Variants in MYO18A observed in about 807,000 individuals in gnomAD.
MYO18A encodes unconventional myosin-XVIIIa.
In MYO18A, 78 loss-of-function variants were observed where a neutral mutation model predicts 235.8. The ratio of observed to expected loss-of-function variants is 0.33; its 90% CI spans 0.28 to 0.40. The LOEUF is 0.40. Ranked by LOEUF, MYO18A falls within the 10% of genes least tolerant of loss-of-function variation. The probability of loss-of-function intolerance (pLI) is 1.00; values close to 1 mark genes in which losing one functional copy is unlikely to be tolerated. For synonymous variants in MYO18A, 977 were observed against 1,077.8 expected, an observed-to-expected ratio of 0.91 and a Z score of 1.83; for missense variants, 2,215 against 2,699.3, an observed-to-expected ratio of 0.82 and a Z score of 3.98.
chr17:29,094,670 T>A lies in MYO18A; in HGVS notation c.4690A>T (p.Thr1564Ser), dbSNP rs760611128. The A allele has an allele frequency of 6.7e-5, 108 of 1,613,906 alleles. No homozygotes were observed. Among genetic ancestry groups the A allele is most frequent in the Non-Finnish European group, 8.9e-5 (105 of 1,179,888 alleles). ...QEEELDEQAGTIQMLEQAKLR... is the reference protein window; with the variant it reads ...QEEELDEQAGSIQMLEQAKLR... ...TGTACCTGTTCCAGCATCTGGATGG[T>A]CCCTGCCTGCTCATCCAGCTCTTCT... is the stretch of plus-strand genomic sequence containing the variant. Residue 1564 changes from threonine to serine, a missense_variant, in exon 30 of 42, where the codon ACC (threonine) becomes TCC (serine). By Grantham distance (58) the Thr-to-Ser change is moderately conservative (BLOSUM62 1). Transcript: ENST00000527372.
In MYO18A at chr17:29,118,523, C is replaced by G. The variant is rs2067127078; in HGVS notation, c.1830-83G>C. The stretch of plus-strand genomic sequence containing the variant: ...CGCCCAGGGTGGAGACAGACAGACT[C>G]AGCTTCCAGACTCCAAGTTTTGTCT... On this transcript the variant is annotated intron_variant, in intron 8 of 41. Transcript: ENST00000527372. The surrounding 1 kb of genome is among the most constrained non-coding windows in gnomAD (Gnocchi z 4.2). 1 of 1,284,930 alleles carries G rather than the reference C, an allele frequency of 7.8e-7. No individual in the cohort carries two copies. Among genetic ancestry groups the G allele is most frequent in the Non-Finnish European group, 1.1e-6 (1 of 912,304 alleles). The allele number at this position is 1,284,930 out of a possible 1,614,324, so 79.6% of individuals were successfully genotyped here.
intron 40 of MYO18A, among the ~76,000 whole-genome samples, chr17:29,084,255 A>T (rs931139849): frequency 9.2e-5 from 14 of 152,150 alleles, no homozygotes; most frequent in African/African-American, 3.4e-4. Flanking sequence ...ATATGATCTT[A>T]AATGCGCATT....
At chr17:29,157,629 G>T (rs993303866) in intron 2 of MYO18A, among the ~76,000 whole-genome samples, 1 of 152,118 alleles carries the variant, frequency 6.6e-6, no homozygotes, top group African/African-American at 2.4e-5. Context: ...AAAACAGATT[G>T]TTATGATCCT....
chr17:29,164,582 C>G (rs2068240960), intron 2 of MYO18A, among the ~76,000 whole-genome samples: 1 of 152,178 alleles, frequency 6.6e-6, no homozygotes, highest in African/African-American at 2.4e-5. Flanking sequence ...CCATTTCTGA[C>G]TTTGACACAT....
intron 28 of MYO18A, among the ~76,000 whole-genome samples, chr17:29,096,259 G>A (rs1261293714): frequency 6.6e-6 from 1 of 152,134 alleles, no homozygotes; most frequent in African/African-American, 2.4e-5. Flanking sequence ...TAATGAAGAC[G>A]TCCCATCCTC....
At chr17:29,089,058 A>AAG (rs2066328938) in intron 37 of MYO18A, among the ~76,000 whole-genome samples, 1 of 151,676 alleles carries the variant, frequency 6.6e-6, no homozygotes, top group East Asian at 1.9e-4. Context: ...AAAAAAAAAA[A>AAG]AAGGGGAAGA....
At position 29,120,845 on chromosome 17, in the gene MYO18A, T is replaced by G. The variant is rs1248129868; in HGVS notation, c.1586-87A>C. 1 of 1,570,124 alleles carries G rather than the reference T, an allele frequency of 6.4e-7. No homozygotes were observed. The highest frequency in any genetic ancestry group is 1.2e-5 in the South Asian group (1 of 84,080). ...GAGCTACCCCAGAGGTATGAAGGCT[T>G]GGGGCCATTCAGACCAGAACTGCCC... On this transcript the variant is annotated intron_variant, in intron 6 of 41. Coordinates refer to ENST00000527372, the MANE Select transcript of MYO18A (RefSeq NM_078471.4). This position sits in a 1 kb window ranked among gnomAD's most constrained non-coding sequence, Gnocchi z 4.2.
intron 21 of MYO18A, among the ~76,000 whole-genome samples, chr17:29,100,161 C>T (rs1413312284): frequency 1.3e-5 from 2 of 152,238 alleles, no homozygotes; most frequent in Non-Finnish European, 2.9e-5. Context: ...GCCCCCTGTG[C>T]CCACAGCCCA....
intron 27 of MYO18A, 65 bp from the exon 28 acceptor site, chr17:29,096,980 A>G: frequency 6.8e-7 from 1 of 1,473,596 alleles, no homozygotes; most frequent in East Asian, 2.5e-5. Flanking sequence ...AGGTGAGGAG[A>G]GGGAAGTGGG....
intron 2 of MYO18A, among the ~76,000 whole-genome samples, chr17:29,149,349 C>T (rs1031325906): frequency 1.3e-5 from 2 of 152,230 alleles, no homozygotes; most frequent in African/African-American, 2.4e-5. Context: ...GGTCAAAAGA[C>T]GCCAGGAAAG....
At chr17:29,091,361 C>G (rs2066393944) in intron 34 of MYO18A, 4 of 335,662 alleles carry the variant, frequency 1.2e-5, no homozygotes, top group Non-Finnish European at 2.3e-5. Context: ...ACTGCCCACT[C>G]CCTGGGCATC....
In MYO18A at chr17:29,166,239, G is replaced by A. The variant is rs1179231138; in HGVS notation, c.702C>T (p.Ser234=). The stretch of plus-strand genomic sequence containing the variant: ...GATCCAGCATGGTTGTGCGCCGCAG[G>A]GAGAAGCCAAAGTCTCCAGTGGGCC... ...QRRPTGDFGF[S]LRRTTMLDRG... is the part of the protein sequence containing the mutation. The change falls in exon 2 of 42, where the codon TCC becomes TCT. Residue 234 remains serine (S), a synonymous_variant. Coordinates refer to ENST00000527372, the MANE Select transcript of MYO18A (RefSeq NM_078471.4). 6.2e-7 allele frequency: 1 copy of A among 1,612,980 alleles called. No individual in the cohort carries two copies. The highest frequency in any genetic ancestry group is 1.1e-5 in the South Asian group (1 of 91,086).
chr17:29,127,284 G>A (rs1598348813), intron 2 of MYO18A, among the ~76,000 whole-genome samples: 2 of 152,284 alleles, frequency 1.3e-5, no homozygotes, highest in Middle Eastern at 3.4e-3. Context: ...AAATATTAAT[G>A]TTTGTTACAC....
chr17:29,148,239 TA>T (rs930363723), intron 2 of MYO18A, among the ~76,000 whole-genome samples: 1 of 152,012 alleles, frequency 6.6e-6, no homozygotes, highest in Admixed American at 6.6e-5. Flanking sequence ...TCAAAACTCC[TA>T]AAAAAAAGTC....
At chr17:29,082,512 C>T in intron 40 of MYO18A, 74 bp from the exon 41 acceptor site, 1 of 1,518,316 alleles carries the variant, frequency 6.6e-7, no homozygotes, top group Non-Finnish European at 8.9e-7. Flanking sequence ...GATGGGGGTG[C>T]AGGGGGTGTC....
Position 29,121,447 on chromosome 17 carries a change from G to T in MYO18A, c.1371+100C>A. The T allele has an allele frequency of 7.7e-7, 1 of 1,299,098 alleles. No homozygotes were observed. Among genetic ancestry groups the T allele is most frequent in the Non-Finnish European group, 1.0e-6 (1 of 954,364 alleles). The allele number at this position is 1,299,098 out of a possible 1,614,324, so 80.5% of individuals were successfully genotyped here. On this transcript the variant is annotated intron_variant, in intron 5 of 41. Coordinates refer to ENST00000527372, the MANE Select transcript of MYO18A (RefSeq NM_078471.4). The surrounding 1 kb of genome is among the most constrained non-coding windows in gnomAD (Gnocchi z 4.2). Reference sequence around the variant, plus strand: ...CTCCTCTTCCCAAGGTCAACTGTGAGAGTGGACAGGAGCCCAGTGGGGTGC... The same window carrying T: ...CTCCTCTTCCCAAGGTCAACTGTGATAGTGGACAGGAGCCCAGTGGGGTGC...
In MYO18A at chr17:29,126,709, C is replaced by T. The variant is rs977259514; in HGVS notation, c.1000-4456G>A. Among the ~76,000 whole-genome samples, 2 of 152,144 alleles carry T rather than the reference C, an allele frequency of 1.3e-5. No homozygotes were observed. The highest frequency in any genetic ancestry group is 1.5e-5 in the Non-Finnish European group (1 of 67,994). On this transcript the variant is annotated intron_variant, in intron 2 of 41. Transcript: ENST00000527372. The surrounding 1 kb of genome is among the most constrained non-coding windows in gnomAD (Gnocchi z 4.1). ...GAAGTAGTGGCAAAACTTGATGCTC[C>T]TCTCCCACACCCTGGGAGGCCTCAG...
chr17:29,110,673 G>T, intron 17 of MYO18A, 51 bp from the exon 18 acceptor site: 1 of 1,543,298 alleles, frequency 6.5e-7, no homozygotes, highest in South Asian at 1.2e-5. Context: ...TCGATGGAGC[G>T]GGAAAGGCCG....
rs1429007509 is a variant in MYO18A at position 29,092,354 on chromosome 17, C to A, written c.5176G>T (p.Ala1726Ser). ...LHLQIDDIAK[A>S]KTALEEQLSR... ...CCTTGGCCCCTCACCGCTGTCTTGG[C>A]TTTGGCGATGTCATCAATCTGCAGG... The change falls in exon 34 of 42, where the codon GCC becomes TCC. Residue 1726 changes from alanine to serine, a missense_variant. Transcript: ENST00000527372. 6.2e-7 allele frequency: 1 copy of A among 1,610,470 alleles called. No homozygotes were observed. Among genetic ancestry groups the A allele is most frequent in the Admixed American group, 1.7e-5 (1 of 59,986 alleles).
Sources: gnomAD v4.1 joint callset for allele counts (sites outside exome capture counted in the v4.1 genomes callset) on GRCh38, gnomAD v4.1.1 for gene constraint, Gnocchi (gnomAD v3.1) non-coding constraint, MANE v1.5 for transcripts, NCBI Gene and HGNC (gene_info 2026-07-23, HGNC 2026-07-21) for gene names.